The following ANAPC5 variants were observed in gnomAD, a reference collection of about 807,000 sequenced individuals.
ANAPC5 encodes the protein anaphase promoting complex subunit 5.
In ANAPC5, 60 loss-of-function variants were observed where a neutral mutation model predicts 91.3. The observed-to-expected ratio is 0.66, with a 90% CI of 0.53 to 0.81. ANAPC5 has a LOEUF of 0.81. Ranked by LOEUF, ANAPC5 falls within the 40% of genes least tolerant of loss-of-function variation. The pLI is 0.00. For missense variants in ANAPC5, 690 were observed against 931.5 expected (o/e 0.74, Z 3.37); for synonymous variants, 340 against 364.1 (o/e 0.93, Z 0.75).
At chr12:121,343,957 A>C (rs1314641418) in intron 4 of ANAPC5, among the ~76,000 whole-genome samples, 2 of 152,226 alleles carry the variant, frequency 1.3e-5, no homozygotes, top group African/African-American at 4.8e-5. Context: ...CTGCAAGTAC[A>C]AGTAGTTTAT....
chr12:121,348,854 ATTGT>A (rs1340816220), intron 1 of ANAPC5, among the ~76,000 whole-genome samples: 1 of 152,254 alleles, frequency 6.6e-6, no homozygotes, highest in Non-Finnish European at 1.5e-5. Context: ...TTTGGCATAC[ATTGT>A]TTGAAATGAA....
Position 121,347,826 on chromosome 12 carries a change from T to A in ANAPC5, c.263A>T (p.Gln88Leu). The A allele has an allele frequency of 6.2e-7, 1 of 1,613,760 alleles. No homozygotes were observed. Among genetic ancestry groups the A allele is most frequent in the Non-Finnish European group, 8.5e-7 (1 of 1,179,674 alleles). ...CCTGATCTGCACTGAATTTGCCAGC[T>A]GTGGACAAGACTCTTCAATTAACTT... ...LYKLIEESCP[Q>L]LANSVQIRIK... Residue 88 changes from glutamine to leucine, a missense_variant, in exon 2 of 17, where the codon CAG becomes CTG. Around this residue, in one of 5 missense-constraint regions of ANAPC5, gnomAD observed 238 missense variants for 264.9 expected, o/e 0.90. Transcript: ENST00000261819.
At position 121,318,444 on chromosome 12, in the gene ANAPC5, C is replaced by A. The variant is rs886363816; in HGVS notation, c.1746-20G>T. 6.2e-7 allele frequency: 1 copy of A among 1,611,014 alleles called. No individual in the cohort carries two copies. Among genetic ancestry groups the A allele is most frequent in the Non-Finnish European group, 8.5e-7 (1 of 1,177,906 alleles). On this transcript the variant is annotated intron_variant, in intron 14 of 16. Transcript: ENST00000261819. Reference sequence around the variant, plus strand: ...AGGACACTGACCGTAAAGAGGAAAACACAGGATGAGAAGATCCACCACCAC... The same window carrying A: ...AGGACACTGACCGTAAAGAGGAAAAAACAGGATGAGAAGATCCACCACCAC...
chr12:121,321,329 GAACA>G (rs1282335463), intron 11 of ANAPC5, among the ~76,000 whole-genome samples: 6 of 132,288 alleles, frequency 4.5e-5, no homozygotes, highest in Non-Finnish European at 9.6e-5. Flanking sequence ...ATGTAAACAA[GAACA>G]AACAAATTAC....
At chr12:121,311,770 G>A (rs952527416) in intron 15 of ANAPC5, among the ~76,000 whole-genome samples, 5 of 152,056 alleles carry the variant, frequency 3.3e-5, no homozygotes, top group Admixed American at 6.6e-5. Flanking sequence ...GCAGTTGAGG[G>A]TGCAGTGAGC....
chr12:121,320,860 C>G (rs540723102), intron 11 of ANAPC5: 1 of 154,504 alleles, frequency 6.5e-6, no homozygotes, highest in Non-Finnish European at 1.4e-5. Context: ...GCCTCAGCCT[C>G]CCAAAGTGCT....
rs1465586948 is a variant in ANAPC5, at chr12:121,336,458, AC to A, written c.760-736del. The stretch of plus-strand genomic sequence containing the variant: ...TTTGGGAGGCCGAGGAGGGTGGATC[AC>A]CTGAGGTCAGGAGTTCGAGACCAGC... On this transcript the variant is annotated intron_variant, in intron 6 of 16. Coordinates refer to ENST00000261819, the MANE Select transcript of ANAPC5 (RefSeq NM_016237.5). 5.9e-5 allele frequency among the ~76,000 whole-genome samples: 9 copies of A among 152,096 alleles called. No homozygotes were observed. The East Asian group carries it at 9.6e-4, about 16-fold the overall frequency.
chr12:121,324,795 G>C (rs1448113597), intron 11 of ANAPC5, among the ~76,000 whole-genome samples: 1 of 152,058 alleles, frequency 6.6e-6, no homozygotes, highest in Non-Finnish European at 1.5e-5. Flanking sequence ...CCAGCTACTA[G>C]GCAGGTTGAG....
At chr12:121,338,308 G>T (rs1427784930) in intron 5 of ANAPC5, among the ~76,000 whole-genome samples, 2 of 151,802 alleles carry the variant, frequency 1.3e-5, no homozygotes, top group Admixed American at 6.6e-5. Context: ...GAAAATTATT[G>T]GCCAGGCGTG....
intron 6 of ANAPC5, 53 bp from the exon 7 acceptor site, chr12:121,335,776 A>G: frequency 6.8e-7 from 1 of 1,460,430 alleles, no homozygotes. Flanking sequence ...TCTCTGGTGT[A>G]AGACAACTGC....
At chr12:121,339,194 C>T (rs2136803735) in intron 5 of ANAPC5, among the ~76,000 whole-genome samples, 1 of 151,760 alleles carries the variant, frequency 6.6e-6, no homozygotes, top group Non-Finnish European at 1.5e-5. Context: ...GGATTACAAG[C>T]ATCCACCATC....
rs541537445 is a variant in ANAPC5 at position 121,335,625 on chromosome 12, G to A, written c.858C>T (p.Ala286=). 2.6e-5 allele frequency: 42 copies of A among 1,613,970 alleles called. No homozygotes were observed. Among genetic ancestry groups the A allele is most frequent in the African/African-American group, 4.0e-5 (3 of 74,918 alleles). Residue 286 remains alanine, a synonymous_variant, in exon 7 of 17, where the codon GCC becomes GCT. Transcript: ENST00000261819. ...CCTCTTCCCCATTACTTTTGCTTTC[G>A]GCTCCGGTAAGAATCAGACGATCAA... ...HYFDRLILTG[A]ESKSNGEEGY...
chr12:121,308,469 G>C lies in ANAPC5; in HGVS notation c.*11C>G. ...TATACTCTGCACAGCAGCCCAGCAG[G>C]GATGTCCTCTCTAGAGATGGTTTAT... On this transcript the variant is annotated 3_prime_UTR_variant, in exon 17 of 17. Coordinates refer to ENST00000261819, the MANE Select transcript of ANAPC5 (RefSeq NM_016237.5). The C allele has an allele frequency of 3.7e-6, 6 of 1,612,460 alleles. No individual in the cohort carries two copies. Among genetic ancestry groups the C allele is most frequent in the Non-Finnish European group, 5.1e-6 (6 of 1,179,030 alleles).
chr12:121,324,083 A>G (rs1566184663), intron 11 of ANAPC5, among the ~76,000 whole-genome samples: 1 of 152,180 alleles, frequency 6.6e-6, no homozygotes, highest in Non-Finnish European at 1.5e-5. Context: ...CGAAACCCCA[A>G]TCACTCTCAT....
upstream of ANAPC5, chr12:121,352,414 G>A (rs1014322981): frequency 2.4e-6 from 3 of 1,227,814 alleles, no homozygotes; most frequent in South Asian, 2.8e-5. Flanking sequence ...ACACTACCGG[G>A]TCTACATCTC....
chr12:121,315,646 C>CT (rs1003370804), intron 15 of ANAPC5, among the ~76,000 whole-genome samples: 1 of 151,894 alleles, frequency 6.6e-6, no homozygotes, highest in Non-Finnish European at 1.5e-5. Flanking sequence ...CAGTTGTTTT[C>CT]TTTTTTTTCT....
upstream of ANAPC5, among the ~76,000 whole-genome samples, chr12:121,353,985 ATTT>A (rs56126551): frequency 2.3e-3 from 312 of 136,784 alleles, no homozygotes; most frequent in East Asian, 0.013. Flanking sequence ...TGCATGGCTA[ATTT>A]TTTTTTTTTT....
chr12:121,322,881 C>T (rs1054053799), intron 11 of ANAPC5, among the ~76,000 whole-genome samples: 1 of 151,862 alleles, frequency 6.6e-6, no homozygotes, highest in African/African-American at 2.4e-5. Context: ...AAAAATAAGC[C>T]GGGCGCAGTG....
intron 5 of ANAPC5, 38 bp from the exon 6 acceptor site, chr12:121,337,430 G>A: frequency 7.0e-7 from 1 of 1,433,058 alleles, no homozygotes; most frequent in Non-Finnish European, 9.8e-7. Context: ...GAAAGAAAGG[G>A]TCAATAAACA....
Sources: allele counts gnomAD v4.1 joint callset (sites outside exome capture counted in the v4.1 genomes callset), GRCh38; gene constraint gnomAD v4.1.1; regional missense constraint gnomAD v4.1.1; transcripts MANE v1.5; gene names NCBI Gene and HGNC (gene_info 2026-07-23, HGNC 2026-07-21).